TMEM44: variants seen among roughly 807,000 people sequenced by gnomAD.
The protein encoded by TMEM44 is transmembrane protein 44.
TMEM44 carries 43 observed loss-of-function variants against 47.8 expected under a neutral mutation model. The ratio of observed to expected loss-of-function variants is 0.90; its 90% CI spans 0.70 to 1.16. The LOEUF is 1.16. Among genes scored for constraint, TMEM44 ranks in the 50% most tolerant of loss-of-function variants. The pLI is 0.00. For missense variants in TMEM44, 568 were observed against 555.2 expected, an observed-to-expected ratio of 1.02 and a Z score of -0.23; for synonymous variants, 277 against 238.8, an observed-to-expected ratio of 1.16 and a Z score of -1.48.
At position 194,604,273 on chromosome 3, in the gene TMEM44, C is replaced by T; in HGVS notation, c.1176+14G>A. 1 of 1,573,680 alleles carries T rather than the reference C, an allele frequency of 6.4e-7. No individual in the cohort carries two copies. Among genetic ancestry groups the T allele is most frequent in the Non-Finnish European group, 8.6e-7 (1 of 1,160,514 alleles). ...GGCACCCACGCACCCGCCCAGCAGG[C>T]AACAGCCGTGTACCTCCAGGTCGGA... On this transcript the variant is annotated intron_variant, in intron 9 of 9. Coordinates refer to ENST00000347147, the MANE Select transcript of TMEM44 (RefSeq NM_001011655.3).
At chr3:194,601,029 C>T (rs553835354) in intron 9 of TMEM44, among the ~76,000 whole-genome samples, 5 of 152,168 alleles carry the variant, frequency 3.3e-5, no homozygotes, top group South Asian at 2.1e-4. Flanking sequence ...GAGGGTTATG[C>T]GGAGGGAGGC....
At chr3:194,588,953 C>T (rs1712222622) in intron 9 of TMEM44, 1 of 340,878 alleles carries the variant, frequency 2.9e-6, no homozygotes, top group Non-Finnish European at 5.5e-6. Context: ...TTCTCCTTAT[C>T]CTGACTCCAT....
At chr3:194,593,930 A>G (rs1435938159) in intron 9 of TMEM44, among the ~76,000 whole-genome samples, 1 of 151,438 alleles carries the variant, frequency 6.6e-6, no homozygotes, top group East Asian at 1.9e-4. Flanking sequence ...CCTGCCTCAG[A>G]CTCCTGAGTA....
intron 2 of TMEM44, among the ~76,000 whole-genome samples, 158 bp downstream of exon 2, chr3:194,628,225 A>AG (rs1053012198): frequency 8.5e-5 from 13 of 152,312 alleles, no homozygotes; most frequent in African/African-American, 2.6e-4. Flanking sequence ...AGAGCCTCTG[A>AG]GGGGGGCAGA....
intron 9 of TMEM44, among the ~76,000 whole-genome samples, chr3:194,599,500 G>A (rs1713813585): frequency 6.6e-6 from 1 of 152,056 alleles, no homozygotes; most frequent in South Asian, 2.1e-4. Flanking sequence ...GGCGGCCATT[G>A]GTTGGTAGGC....
At chr3:194,623,909 A>C (rs1716861752) in intron 3 of TMEM44, among the ~76,000 whole-genome samples, 1 of 151,552 alleles carries the variant, frequency 6.6e-6, no homozygotes, top group Admixed American at 6.6e-5. Context: ...TGCACACCCC[A>C]CCCCCATAAC....
At chr3:194,631,820 G>A (rs1560208489) in intron 1 of TMEM44, among the ~76,000 whole-genome samples, 1 of 152,142 alleles carries the variant, frequency 6.6e-6, no homozygotes, top group Non-Finnish European at 1.5e-5. Context: ...GGGGAGCAGG[G>A]GAGGTTCAGG....
At chr3:194,602,010 C>A (rs1273173399) in intron 9 of TMEM44, among the ~76,000 whole-genome samples, 1 of 152,212 alleles carries the variant, frequency 6.6e-6, no homozygotes, top group African/African-American at 2.4e-5. Flanking sequence ...TCACTGAATG[C>A]ACTCTGCCAT....
intron 8 of TMEM44, among the ~76,000 whole-genome samples, chr3:194,606,541 G>C (rs1053371753): frequency 3.9e-5 from 6 of 152,112 alleles, no homozygotes; most frequent in African/African-American, 1.4e-4. Context: ...GGCTTAGTTT[G>C]AATCCTCTTT....
intron 9 of TMEM44, among the ~76,000 whole-genome samples, chr3:194,598,899 A>G (rs1421608347): frequency 6.6e-6 from 1 of 152,204 alleles, no homozygotes; most frequent in African/African-American, 2.4e-5. Flanking sequence ...AGGCCCCGAC[A>G]GTGGGAGTCA....
intron 9 of TMEM44, among the ~76,000 whole-genome samples, chr3:194,591,251 G>A (rs1162250047): frequency 2.0e-5 from 3 of 151,862 alleles, no homozygotes; most frequent in Non-Finnish European, 4.4e-5. Flanking sequence ...CCAACACTCT[G>A]GGAGGCTGAG....
Position 194,616,583 on chromosome 3 carries a change from G to A in TMEM44, c.783+516C>T, listed in dbSNP as rs115041962. 1.1e-3 allele frequency: 489 copies of A among 456,746 alleles called. 4 individuals are homozygous for A. The highest frequency in any genetic ancestry group is 8.9e-3 in the African/African-American group (448 of 50,186). 28.3% of individuals were successfully genotyped at this position (456,746 alleles called of 1,614,324 possible). ...CACTAGCAGCTCCTGCAGCTCCACTGGCAGCTGGAAGAGGCAAGCGAAGAT... is the reference window on the plus strand; with the variant it reads ...CACTAGCAGCTCCTGCAGCTCCACTAGCAGCTGGAAGAGGCAAGCGAAGAT... On this transcript the variant is annotated intron_variant, in intron 6 of 9. Coordinates refer to ENST00000347147, the MANE Select transcript of TMEM44 (RefSeq NM_001011655.3).
intron 9 of TMEM44, among the ~76,000 whole-genome samples, chr3:194,599,551 C>T (rs1298231901): frequency 6.6e-6 from 1 of 151,268 alleles, no homozygotes; most frequent in Non-Finnish European, 1.5e-5. Flanking sequence ...ATTTTTTACA[C>T]TTCGCAAATT....
chr3:194,588,353 T>C lies in TMEM44; in HGVS notation c.*176A>G, dbSNP rs1240533085. ...GGTCTGTCCGCAGTACCCAAAGTCGTAGCTCCGTGATGAGCTATGATGTAG... is the reference window on the plus strand; with the variant it reads ...GGTCTGTCCGCAGTACCCAAAGTCGCAGCTCCGTGATGAGCTATGATGTAG... On this transcript the variant is annotated 3_prime_UTR_variant, in exon 10 of 10. Transcript: ENST00000347147. The C allele has an allele frequency of 1.7e-6, 1 of 601,456 alleles. No individual in the cohort carries two copies. The highest frequency in any genetic ancestry group is 2.9e-6 in the Non-Finnish European group (1 of 340,740). The allele number at this position is 601,456 out of a possible 1,614,324, so 37.3% of individuals were successfully genotyped here. A position where few individuals can be genotyped will look rare whatever the true frequency, so the allele number is the denominator to read the frequency against.
intron 1 of TMEM44, among the ~76,000 whole-genome samples, chr3:194,631,136 C>T (rs1360343736): frequency 2.6e-5 from 4 of 151,148 alleles, no homozygotes; most frequent in South Asian, 2.1e-4. Flanking sequence ...CTCTGAAATA[C>T]GTTGTCATAC....
chr3:194,613,757 G>A (rs986887919), intron 7 of TMEM44, among the ~76,000 whole-genome samples: 1 of 151,738 alleles, frequency 6.6e-6, no homozygotes, highest in African/African-American at 2.4e-5. Flanking sequence ...CTCCCAAAGT[G>A]TTGGGATTAC....
chr3:194,595,418 G>A (rs916093604), intron 9 of TMEM44, among the ~76,000 whole-genome samples: 2 of 152,188 alleles, frequency 1.3e-5, no homozygotes, highest in African/African-American at 2.4e-5. Flanking sequence ...CTAAGTTACT[G>A]AGGAAATAGG....
rs373913582 is a variant in TMEM44, at chr3:194,617,084, G to A, written c.783+15C>T. 2 of 1,495,232 alleles carry A rather than the reference G, an allele frequency of 1.3e-6. No individual in the cohort carries two copies. The highest frequency in any genetic ancestry group is 2.3e-5 in the Admixed American group (1 of 43,744). The allele number at this position is 1,495,232 out of a possible 1,614,324, so 92.6% of individuals were successfully genotyped here. ...TGGCTGCAAGCAGGGAGCTCCCCAG[G>A]CCTGGGGTGGATACAGCGAGGTCCA... On this transcript the variant is annotated intron_variant, in intron 6 of 9. Coordinates refer to ENST00000347147, the MANE Select transcript of TMEM44 (RefSeq NM_001011655.3).
At chr3:194,602,241 G>A (rs545340666) in intron 9 of TMEM44, among the ~76,000 whole-genome samples, 27 of 152,356 alleles carry the variant, frequency 1.8e-4, no homozygotes, top group Admixed American at 1.3e-3. Flanking sequence ...ACAGAGAGAC[G>A]CAAAGGCAAC....
Sources: gnomAD v4.1 joint callset for allele counts (sites outside exome capture counted in the v4.1 genomes callset) on GRCh38, gnomAD v4.1.1 for gene constraint, MANE v1.5 for transcripts, NCBI Gene and HGNC (gene_info 2026-07-23, HGNC 2026-07-21) for gene names.